COL3A1: variants seen among roughly 807,000 people sequenced by gnomAD.
The protein encoded by COL3A1 is collagen type III alpha 1 chain.
In COL3A1, 46 loss-of-function variants were observed where a neutral mutation model predicts 200.9. The observed-to-expected ratio is 0.23, with a 90% CI of 0.18 to 0.29. COL3A1 has a LOEUF of 0.29. Ranked by LOEUF, COL3A1 falls within the 10% of genes least tolerant of loss-of-function variation. The pLI is 1.00. For synonymous variants in COL3A1, 650 were observed against 628.0 expected (o/e 1.03, Z -0.52); for missense variants, 1,367 against 1,917.6 (o/e 0.71, Z 5.36).
chr2:189,008,964 C>A lies in COL3A1; in HGVS notation c.3566C>A (p.Pro1189His). The A allele has an allele frequency of 1.9e-6, 3 of 1,614,174 alleles. No individual in the cohort carries two copies. Among genetic ancestry groups the A allele is most frequent in the Non-Finnish European group, 1.7e-6 (2 of 1,180,030 alleles). The change falls in exon 48 of 51, where the codon CCT becomes CAT. Residue 1189 changes from proline to histidine, a missense_variant. By Grantham distance (77) the Pro-to-His change is moderately conservative. This residue lies in a region of COL3A1 where 846 missense variants were observed against 1,147.9 expected (regional missense o/e 0.74). Coordinates refer to ENST00000304636, the MANE Select transcript of COL3A1 (RefSeq NM_000090.4). Reference sequence around the variant, plus strand: ...CCAGGGCAACCAGGCCCTCCTGGACCTCCTGGTGCCCCTGGTCCTTGCTGT... The same window carrying A: ...CCAGGGCAACCAGGCCCTCCTGGACATCCTGGTGCCCCTGGTCCTTGCTGT... ...GHPGQPGPPGPPGAPGPCCGG... is the reference protein window; with the variant it reads ...GHPGQPGPPGHPGAPGPCCGG...
At chr2:189,007,151 TATAGATAGATG>T (rs1254770577) in intron 44 of COL3A1, among the ~76,000 whole-genome samples, 161 bp downstream of exon 44, 8 of 105,362 alleles carry the variant, frequency 7.6e-5, no homozygotes, top group African/African-American at 2.3e-4. Flanking sequence ...TTGTTCTATC[TATAGATAGATG>T]ATAGATAGAT....
rs1342038989 is a variant in COL3A1 at position 189,012,312 on chromosome 2, T to A, written c.*538T>A. 1 of 152,734 alleles carries A rather than the reference T, an allele frequency of 6.5e-6. No individual in the cohort carries two copies. Among genetic ancestry groups the A allele is most frequent in the African/African-American group, 2.4e-5 (1 of 41,460 alleles). 9.5% of individuals were successfully genotyped at this position (152,734 alleles called of 1,614,324 possible). On this transcript the variant is annotated 3_prime_UTR_variant, in exon 51 of 51. Transcript: ENST00000304636. ...GAAGATTGGTTTAAAAAGAAAAGTG[T>A]AATGCAAGAATTTAAAGAAATATTT...
Position 189,003,964 on chromosome 2 carries a change from TCAAA to T in COL3A1, c.2662-14_2662-11del. 1 of 1,592,974 alleles carries T rather than the reference TCAAA, an allele frequency of 6.3e-7. No homozygotes were observed. On this transcript the variant is annotated splice_polypyrimidine_tract_variant and intron_variant, in intron 38 of 50. Transcript: ENST00000304636. The stretch of plus-strand genomic sequence containing the variant: ...ACTTTTTATTATAAATATTCAAATT[TCAAA>T]CAATTATTTGTAGGGTAACCCAGGA...
intron 32 of COL3A1, 127 bp downstream of exon 32, chr2:189,000,022 G>A (rs550622047): frequency 3.3e-5 from 30 of 900,910 alleles, no homozygotes; most frequent in East Asian, 1.3e-4. Context: ...CTAAAGACCC[G>A]AATGACTTGA....
intron 49 of COL3A1, 33 bp downstream of exon 49, chr2:189,010,398 C>T: frequency 1.2e-6 from 2 of 1,604,804 alleles, no homozygotes; most frequent in East Asian, 2.2e-5. Flanking sequence ...TTAAATAAGT[C>T]ACCTCTATAT....
intron 1 of COL3A1, among the ~76,000 whole-genome samples, chr2:188,974,795 G>T (rs774280571): frequency 7.2e-5 from 11 of 152,094 alleles, no homozygotes; most frequent in Non-Finnish European, 4.4e-5. Context: ...AGATGTTCTT[G>T]TACTAACTTG....
intron 1 of COL3A1, among the ~76,000 whole-genome samples, chr2:188,977,165 C>T (rs1028881270): frequency 3.9e-5 from 6 of 151,996 alleles, no homozygotes; most frequent in African/African-American, 1.4e-4. Context: ...CTGATGTAGT[C>T]CTTATTTGAC....
chr2:189,000,670 T>C (rs1312091725), intron 32 of COL3A1, among the ~76,000 whole-genome samples: 1 of 152,162 alleles, frequency 6.6e-6, no homozygotes, highest in Non-Finnish European at 1.5e-5. Flanking sequence ...ATGGTATCAA[T>C]GTCAATTTCC....
At position 189,010,292 on chromosome 2, in the gene COL3A1, A is replaced by G. The variant is rs111840783; in HGVS notation, c.3938A>G (p.Lys1313Arg). The change falls in exon 49 of 51, where the codon AAA (lysine) becomes AGA (arginine). Residue 1313 changes from lysine (K) to arginine (R), a missense_variant. Transcript: ENST00000304636. The part of the protein sequence containing the change: ...ISANPLNVPR[K>R]HWWTDSSAEK... Reference sequence around the variant, plus strand: ...GCCAATCCTTTGAATGTTCCACGGAAACACTGGTGGACAGATTCTAGTGCT... The same window carrying G: ...GCCAATCCTTTGAATGTTCCACGGAGACACTGGTGGACAGATTCTAGTGCT... The G allele has an allele frequency of 1.5e-3, 2,426 of 1,614,080 alleles. 3 individuals carry two copies. The highest frequency in any genetic ancestry group is 2.0e-3 in the Non-Finnish European group (2,309 of 1,180,022).
At chr2:189,011,499 T>C (rs1159111025) in intron 50 of COL3A1, 129 bp from the exon 51 acceptor site, 3 of 1,001,872 alleles carry the variant, frequency 3.0e-6, no homozygotes, top group African/African-American at 3.2e-5. Context: ...GCAGGTCTCA[T>C]ATACATGAAT....
chr2:188,998,589 A>G (rs1688381888), intron 28 of COL3A1, 85 bp from the exon 29 acceptor site: 2 of 1,346,670 alleles, frequency 1.5e-6, no homozygotes, highest in South Asian at 1.2e-5. Context: ...TTATATTTAC[A>G]TATTTGCTTA....
At chr2:189,007,161 T>TA (rs1688610639) in intron 44 of COL3A1, among the ~76,000 whole-genome samples, 171 bp downstream of exon 44, 2 of 116,318 alleles carry the variant, frequency 1.7e-5, no homozygotes, top group South Asian at 3.0e-4. Flanking sequence ...TATAGATAGA[T>TA]GATAGATAGA....
At position 188,990,507 on chromosome 2, in the gene COL3A1, T is replaced by C. The variant is rs1005006586; in HGVS notation, c.798+147T>C. On this transcript the variant is annotated intron_variant, in intron 10 of 50. Coordinates refer to ENST00000304636, the MANE Select transcript of COL3A1 (RefSeq NM_000090.4). The stretch of plus-strand genomic sequence containing the variant: ...TTTTTAAGTCTACTAAGTTTGTTTG[T>C]TGACCAAACTAGTCATTTTTTGCAA... The C allele has an allele frequency of 1.8e-5, 14 of 762,496 alleles. No homozygotes were observed. The African/African-American group carries it at 2.3e-4, about 12-fold the overall frequency. The allele number at this position is 762,496 out of a possible 1,614,324, so 47.2% of individuals were successfully genotyped here.
intron 5 of COL3A1, among the ~76,000 whole-genome samples, chr2:188,987,791 A>G (rs937366315): frequency 2.6e-5 from 4 of 152,096 alleles, no homozygotes; most frequent in Non-Finnish European, 4.4e-5. Flanking sequence ...GGATTTTCAT[A>G]GCATTATGTA....
chr2:188,977,883 C>T (rs561908992), intron 1 of COL3A1, among the ~76,000 whole-genome samples: 1 of 152,028 alleles, frequency 6.6e-6, no homozygotes, highest in South Asian at 2.1e-4. Flanking sequence ...GAGAGTAGTA[C>T]GTTAATTTTT....
At chr2:189,005,318 A>C (rs1455089498) in intron 40 of COL3A1, 32 bp from the exon 41 acceptor site, 2 of 1,575,006 alleles carry the variant, frequency 1.3e-6, no homozygotes, top group Non-Finnish European at 1.7e-6. Flanking sequence ...TCTTAAGTTG[A>C]AACAAAATGT....
Position 188,994,848 on chromosome 2 carries a change from G to A in COL3A1, c.1455+17G>A. 1 of 1,611,356 alleles carries A rather than the reference G, an allele frequency of 6.2e-7. No homozygotes were observed. The highest frequency in any genetic ancestry group is 8.5e-7 in the Non-Finnish European group (1 of 1,178,610). The stretch of plus-strand genomic sequence containing the variant: ...GGAGAAAGGGTACGTTTTCCATGGG[G>A]CATCTAAAAGAAAAGCAGCATCACT... On this transcript the variant is annotated intron_variant, in intron 20 of 50. Coordinates refer to ENST00000304636, the MANE Select transcript of COL3A1 (RefSeq NM_000090.4). This position sits in a 1 kb window ranked among gnomAD's most constrained non-coding sequence, Gnocchi z 4.5.
intron 48 of COL3A1, 121 bp from the exon 49 acceptor site, chr2:189,010,057 T>C: frequency 1.1e-6 from 1 of 901,700 alleles, no homozygotes; most frequent in Non-Finnish European, 1.8e-6. Flanking sequence ...TCTATCATTC[T>C]ATACATAAAA....
intron 7 of COL3A1, 87 bp downstream of exon 7, chr2:188,988,730 CAG>C: frequency 1.1e-6 from 1 of 879,884 alleles, no homozygotes; most frequent in South Asian, 1.5e-5. Flanking sequence ...TAGGTCTTTA[CAG>C]AATGAAGATT....
Sources: gnomAD v4.1 joint callset for allele counts (sites outside exome capture counted in the v4.1 genomes callset) on GRCh38, gnomAD v4.1.1 for gene constraint, gnomAD v4.1.1 regional missense constraint, Gnocchi (gnomAD v3.1) non-coding constraint, MANE v1.5 for transcripts, NCBI Gene and HGNC (gene_info 2026-07-23, HGNC 2026-07-21) for gene names.